SUSD1: variants seen among roughly 807,000 people sequenced by gnomAD.
SUSD1 encodes sushi domain-containing protein 1.
A neutral mutation model predicts 86.9 loss-of-function variants in SUSD1; 65 were observed. That is an observed-to-expected ratio of 0.75 (90% confidence interval 0.61 to 0.92). The LOEUF (loss-of-function observed/expected upper bound fraction) is 0.92. Ranked by LOEUF, SUSD1 falls within the 40% of genes least tolerant of loss-of-function variation. The probability of loss-of-function intolerance (pLI) is 0.00; values close to 1 mark genes in which losing one functional copy is unlikely to be tolerated. For missense variants in SUSD1, 850 were observed against 929.7 expected (o/e 0.91, Z 1.11); for synonymous variants, 346 against 350.0 (o/e 0.99, Z 0.13).
At chr9:112,130,848 C>CAAA (rs35275299) in intron 5 of SUSD1, among the ~76,000 whole-genome samples, 9,436 of 117,796 alleles carry the variant, frequency 0.08, 443 homozygotes, top group African/African-American at 0.13. Context: ...AACATCTCTA[C>CAAA]AAAAAAAAAA....
rs184198215 is a variant in SUSD1, at chr9:112,126,472, C to A, written c.707-2036G>T. On this transcript the variant is annotated intron_variant, in intron 5 of 16. Transcript: ENST00000374270. ...TTAAAAAAAAATTAATACCAAATAT[C>A]ACCCAATTGATAAGAAATCAGTAAC... Among the ~76,000 whole-genome samples the A allele has an allele frequency of 2.2e-3, 331 of 152,264 alleles. 1 individual carries two copies. The highest frequency in any genetic ancestry group is 3.3e-3 in the Non-Finnish European group (227 of 68,028).
intron 3 of SUSD1, among the ~76,000 whole-genome samples, chr9:112,148,083 A>G (rs1227018398): frequency 6.6e-6 from 1 of 152,242 alleles, no homozygotes; most frequent in African/African-American, 2.4e-5. Flanking sequence ...GGTTCCTGGT[A>G]GCTAAGAAGA....
intron 12 of SUSD1, among the ~76,000 whole-genome samples, chr9:112,066,072 C>G (rs1226415512): frequency 1.3e-5 from 2 of 152,198 alleles, no homozygotes; most frequent in East Asian, 1.9e-4. Context: ...CACTAGAAGA[C>G]GGCCGGCCGA....
chr9:112,118,358 T>G (rs1831413932), intron 6 of SUSD1, among the ~76,000 whole-genome samples: 1 of 152,236 alleles, frequency 6.6e-6, no homozygotes, highest in Admixed American at 6.5e-5. Context: ...CTATAAAAGT[T>G]TTCATGTGTT....
chr9:112,043,634 C>A (rs965025114), intron 15 of SUSD1, among the ~76,000 whole-genome samples: 2 of 152,242 alleles, frequency 1.3e-5, no homozygotes, highest in Non-Finnish European at 2.9e-5. Flanking sequence ...TCTGTCTAGG[C>A]AGCAGGCAAG....
intron 13 of SUSD1, among the ~76,000 whole-genome samples, chr9:112,061,849 G>C (rs1828742473): frequency 1.3e-5 from 2 of 151,686 alleles, no homozygotes; most frequent in Non-Finnish European, 2.9e-5. Context: ...CGAAGGGTCA[G>C]CAGAGACAAA....
intron 4 of SUSD1, 84 bp from the exon 5 acceptor site, chr9:112,142,583 C>G (rs1003139473): frequency 7.8e-7 from 1 of 1,285,646 alleles, no homozygotes; most frequent in Non-Finnish European, 1.1e-6. Flanking sequence ...CTACCCTATT[C>G]CTCACACACA....
intron 5 of SUSD1, among the ~76,000 whole-genome samples, chr9:112,137,583 A>C (rs2131733144): frequency 6.6e-6 from 1 of 152,348 alleles, no homozygotes; most frequent in Non-Finnish European, 1.5e-5. Flanking sequence ...CTAAAATGTT[A>C]TCTTTAGAAA....
At chr9:112,160,057 T>G (rs768085206) in intron 1 of SUSD1, among the ~76,000 whole-genome samples, 2 of 151,676 alleles carry the variant, frequency 1.3e-5, no homozygotes, top group African/African-American at 2.4e-5. Context: ...ACACTAGAAT[T>G]TTAATATAAG....
At chr9:112,052,148 C>T in intron 15 of SUSD1, 1 of 1,427,696 alleles carries the variant, frequency 7.0e-7, no homozygotes, top group Non-Finnish European at 9.1e-7. Flanking sequence ...TAGAAAGTCC[C>T]ACTCACGGTG....
At chr9:112,054,229 A>G (rs1828347947) in intron 14 of SUSD1, among the ~76,000 whole-genome samples, 1 of 152,170 alleles carries the variant, frequency 6.6e-6, no homozygotes, top group African/African-American at 2.4e-5. Context: ...CTAGAAATAA[A>G]CCCTTGCATA....
intron 11 of SUSD1, 87 bp from the exon 12 acceptor site, chr9:112,078,811 CTTT>C (rs71496739): frequency 0.012 from 7,474 of 631,406 alleles, no homozygotes; most frequent in South Asian, 0.019. Flanking sequence ...TTTTCTTTCT[CTTT>C]TTTTTTTTTT....
At chr9:112,098,208 TTC>T (rs1023297213) in intron 10 of SUSD1, among the ~76,000 whole-genome samples, 1 of 152,152 alleles carries the variant, frequency 6.6e-6, no homozygotes, top group African/African-American at 2.4e-5. Context: ...CTTTATGGAA[TTC>T]TCAACTTAGG....
intron 5 of SUSD1, among the ~76,000 whole-genome samples, chr9:112,139,524 A>AG (rs1832466011): frequency 6.6e-6 from 1 of 152,012 alleles, no homozygotes; most frequent in African/African-American, 2.4e-5. Context: ...GGCTCACTGC[A>AG]GCCTCAACCT....
At chr9:112,126,581 C>T (rs1318596292) in intron 5 of SUSD1, among the ~76,000 whole-genome samples, 3 of 152,114 alleles carry the variant, frequency 2.0e-5, no homozygotes, top group African/African-American at 7.2e-5. Context: ...GTGAGTTCCC[C>T]GTTAACAGAG....
chr9:112,080,425 C>T (rs574375624), intron 10 of SUSD1, among the ~76,000 whole-genome samples: 1 of 152,170 alleles, frequency 6.6e-6, no homozygotes, highest in Non-Finnish European at 1.5e-5. Context: ...CAGTGGCTCA[C>T]GCCTGTAACC....
intron 6 of SUSD1, among the ~76,000 whole-genome samples, chr9:112,121,057 G>A (rs1047114684): frequency 4.6e-5 from 7 of 152,226 alleles, no homozygotes; most frequent in Non-Finnish European, 7.3e-5. Flanking sequence ...GTGACCATCA[G>A]TCTAGTCCAG....
chr9:112,167,073 T>G (rs1299859931), intron 1 of SUSD1, among the ~76,000 whole-genome samples: 3 of 151,708 alleles, frequency 2.0e-5, no homozygotes, highest in African/African-American at 7.3e-5. Context: ...TCATGATCCT[T>G]AGTTATGTGA....
intron 5 of SUSD1, among the ~76,000 whole-genome samples, chr9:112,125,171 T>C (rs934591464): frequency 6.6e-6 from 1 of 151,920 alleles, no homozygotes; most frequent in Non-Finnish European, 1.5e-5. Flanking sequence ...TCAGAACAAA[T>C]ATCGTAAGAA....
Sources: gnomAD v4.1 joint callset for allele counts (sites outside exome capture counted in the v4.1 genomes callset) on GRCh38, gnomAD v4.1.1 for gene constraint, MANE v1.5 for transcripts, NCBI Gene and HGNC (gene_info 2026-07-23, HGNC 2026-07-21) for gene names.